Variants in BRI3 observed in about 807,000 individuals in gnomAD.
BRI3 encodes the protein brain protein I3, also known as membrane protein BRI3.
Under a neutral mutation model 12.8 loss-of-function variants are expected in BRI3, and 6 were observed. That is an observed-to-expected ratio of 0.47 (90% CI 0.26 to 0.93). The LOEUF (loss-of-function observed/expected upper bound fraction) is 0.93, where lower values mean the gene tolerates loss of function less well. BRI3 is among the 40% of genes least tolerant of loss of function. The pLI is 0.15. For synonymous variants in BRI3, 91 were observed against 76.1 expected (o/e 1.20, Z -1.02); for missense variants, 134 against 171.1 (o/e 0.78, Z 1.21).
chr7:98,283,627 G>A (rs1799610613), intron 2 of BRI3, among the ~76,000 whole-genome samples: 1 of 152,186 alleles, frequency 6.6e-6, no homozygotes, highest in Non-Finnish European at 1.5e-5. Context: ...CTGTGTGAGT[G>A]TGAAGGCACA....
intron 1 of BRI3, among the ~76,000 whole-genome samples, chr7:98,298,018 G>A (rs1376145224): frequency 6.6e-6 from 1 of 150,590 alleles, no homozygotes; most frequent in Non-Finnish European, 1.5e-5. Flanking sequence ...ACTGCCTGAG[G>A]TCAGGAGTTC....
intron 1 of BRI3, among the ~76,000 whole-genome samples, chr7:98,300,380 C>G (rs1241045044): frequency 6.6e-6 from 1 of 152,236 alleles, no homozygotes; most frequent in East Asian, 1.9e-4. Flanking sequence ...GGTCACTTGT[C>G]TAACAGGAGT....
chr7:98,307,464 T>G, intron 1 of BRI3: 2 of 1,407,604 alleles, frequency 1.4e-6, no homozygotes, highest in Non-Finnish European at 1.8e-6. Flanking sequence ...ACAGGTGACT[T>G]CATACGCTCT....
chr7:98,307,939 G>A, exon 2 of BRI3: 1 of 1,575,652 alleles, frequency 6.3e-7, no homozygotes, highest in Non-Finnish European at 8.7e-7. Context: ...CAAAGCATGA[G>A]AATCAATAGG....
the BRI3 span, chr7:98,315,471 A>G: frequency 4.7e-6 from 7 of 1,483,442 alleles, no homozygotes; most frequent in Middle Eastern, 5.5e-4. Context: ...TGTAAGTGAT[A>G]ATAATGTATG....
chr7:98,318,876 G>A, the BRI3 span, among the ~76,000 whole-genome samples: 3 of 151,162 alleles, frequency 2.0e-5, no homozygotes, highest in Non-Finnish European at 4.4e-5. Flanking sequence ...CCCAGGAGGC[G>A]GAGGTTGCAG....
chr7:98,292,575 A>G, downstream of BRI3: 3 of 1,486,370 alleles, frequency 2.0e-6, no homozygotes, highest in Non-Finnish European at 2.8e-6. Flanking sequence ...CCTCACATCC[A>G]TACCATAGGG....
At chr7:98,292,441 TGGGA>T (rs1800006197), downstream of BRI3, 2 of 587,520 alleles carry the variant, frequency 3.4e-6, no homozygotes, top group Non-Finnish European at 6.0e-6. Flanking sequence ...CACAAAATGC[TGGGA>T]TTCCCGTACC....
exon 2 of BRI3, chr7:98,307,836 A>T (rs778472252): frequency 1.9e-6 from 3 of 1,614,106 alleles, no homozygotes; most frequent in African/African-American, 1.3e-5. Context: ...CTGCTTCTTC[A>T]TCATGTTCAG....
At chr7:98,308,972 T>G (rs1045731165) in exon 2 of BRI3, 1 of 151,234 alleles carries the variant, frequency 6.6e-6, no homozygotes, top group African/African-American at 2.4e-5. Flanking sequence ...AGCCACTGCT[T>G]CTGGCCGTTT....
the BRI3 span, among the ~76,000 whole-genome samples, chr7:98,317,746 C>T: frequency 3.2e-4 from 48 of 151,500 alleles, no homozygotes; most frequent in Middle Eastern, 3.4e-3. Context: ...TGGCTGGGGA[C>T]GCTCACCACA....
chr7:98,291,367 C>T lies in BRI3; in HGVS notation c.*124C>T, dbSNP rs1014472674. The T allele has an allele frequency of 2.0e-6, 3 of 1,503,766 alleles. No individual in the cohort carries two copies. Among genetic ancestry groups the T allele is most frequent in the Non-Finnish European group, 1.8e-6 (2 of 1,125,518 alleles). The allele number at this position is 1,503,766 out of a possible 1,614,324, so 93.2% of individuals were successfully genotyped here. A position where few individuals can be genotyped will look rare whatever the true frequency, so the allele number is the denominator to read the frequency against. Reference sequence around the variant, plus strand: ...GTAAAGCGAGGTGGGACCGATGTGGCACACGCCAGCTGCGGTTTCCCGGAG... The same window carrying T: ...GTAAAGCGAGGTGGGACCGATGTGGTACACGCCAGCTGCGGTTTCCCGGAG... On this transcript the variant is annotated 3_prime_UTR_variant, in exon 3 of 3. Transcript: ENST00000297290.
At chr7:98,308,073 G>A (rs1292989129) in exon 2 of BRI3, 6 of 723,304 alleles carry the variant, frequency 8.3e-6, no homozygotes, top group Non-Finnish European at 1.2e-5. Flanking sequence ...AACAGGGACT[G>A]TTGAGAAACA....
At position 98,307,746 on chromosome 7, in the gene BRI3, A is replaced by G. The variant is rs999148292; in HGVS notation, n.376A>G. The G allele has an allele frequency of 2.5e-6, 4 of 1,614,154 alleles. No individual in the cohort carries two copies. In the African/African-American group the frequency reaches 4.0e-5, roughly 16 times the overall value. ...GCCATCCTTCTCCTCGGGGATGAGC[A>G]GCGTGATGACATCTCCCTGTGCAAA... On this transcript the variant is annotated non_coding_transcript_exon_variant, in exon 2 of 2. Coordinates refer to the BRI3 transcript ENST00000485422.
At chr7:98,315,276 C>T (rs1801030648), downstream of BRI3, among the ~76,000 whole-genome samples, 1 of 152,116 alleles carries the variant, frequency 6.6e-6, no homozygotes, top group Admixed American at 6.5e-5. Flanking sequence ...CACATGCTAC[C>T]ATGCCTGGCT....
exon 2 of BRI3, chr7:98,307,975 A>T (rs1328955481): frequency 7.4e-7 from 1 of 1,342,418 alleles, no homozygotes; most frequent in East Asian, 2.3e-5. Context: ...AAACCCCAGG[A>T]ATCCACCTGT....
chr7:98,306,738 C>T (rs1251004460), intron 1 of BRI3: 13 of 602,614 alleles, frequency 2.2e-5, no homozygotes, highest in East Asian at 3.6e-5. Flanking sequence ...GACAGGGTCT[C>T]GCTCTGTTGC....
At chr7:98,283,275 T>C (rs1799592986) in intron 2 of BRI3, among the ~76,000 whole-genome samples, 1 of 152,080 alleles carries the variant, frequency 6.6e-6, no homozygotes, top group African/African-American at 2.4e-5. Flanking sequence ...GAAACCCTGG[T>C]TTGGACTTAG....
At chr7:98,283,596 C>T (rs1232043082) in intron 2 of BRI3, among the ~76,000 whole-genome samples, 1 of 152,050 alleles carries the variant, frequency 6.6e-6, no homozygotes, top group East Asian at 1.9e-4. Flanking sequence ...GGAGCTGCAC[C>T]GGGTTGGGGG....
Sources: gnomAD v4.1 joint callset for allele counts (sites outside exome capture counted in the v4.1 genomes callset) on GRCh38, gnomAD v4.1.1 for gene constraint, MANE v1.5 for transcripts, NCBI Gene and HGNC (gene_info 2026-07-23, HGNC 2026-07-21) for gene names.